Variants in MGMT observed in about 807,000 individuals in gnomAD.
MGMT encodes the protein methylated-DNA--protein-cysteine methyltransferase.
In MGMT, 14 loss-of-function variants were observed where a neutral mutation model predicts 15.9. The observed-to-expected ratio is 0.88, with a 90% CI of 0.58 to 1.37. The LOEUF (loss-of-function observed/expected upper bound fraction) is 1.37, where lower values mean the gene tolerates loss of function less well. Among genes scored for constraint, MGMT ranks in the 40% most tolerant of loss-of-function variants. The pLI, the probability that MGMT is intolerant of heterozygous loss-of-function variation, is 0.00. For missense variants in MGMT, 282 were observed against 268.1 expected (o/e 1.05, Z -0.36); for synonymous variants, 130 against 118.2 (o/e 1.10, Z -0.65).
At chr10:129,557,628 G>A (rs759842463) in intron 2 of MGMT, among the ~76,000 whole-genome samples, 3 of 152,018 alleles carry the variant, frequency 2.0e-5, no homozygotes, top group Non-Finnish European at 4.4e-5. Flanking sequence ...TTTTTATGTC[G>A]GTGTTTATAA....
At chr10:129,570,528 A>G (rs1053508643) in intron 2 of MGMT, among the ~76,000 whole-genome samples, 2 of 152,286 alleles carry the variant, frequency 1.3e-5, no homozygotes, top group African/African-American at 4.8e-5. Flanking sequence ...ATTGTAGTGA[A>G]CTTATCAAAA....
intron 2 of MGMT, among the ~76,000 whole-genome samples, chr10:129,657,705 A>ACG (rs1491129719): frequency 7.3e-6 from 1 of 137,700 alleles, no homozygotes; most frequent in Non-Finnish European, 1.5e-5. Context: ...ACACACACAC[A>ACG]CGCACACACA....
In MGMT at chr10:129,731,356, CTTTT is replaced by C. The variant is rs547636043; in HGVS notation, c.274+23334_274+23337del. Among the ~76,000 whole-genome samples, 138 of 96,962 alleles carry C rather than the reference CTTTT, an allele frequency of 1.4e-3. 1 individual carries two copies. Among genetic ancestry groups the C allele is most frequent in the African/African-American group, 4.2e-3 (100 of 23,924 alleles). 63.6% of individuals were successfully genotyped at this position (96,962 alleles called of 152,430 possible). A position where few individuals can be genotyped will look rare whatever the true frequency, so the allele number is the denominator to read the frequency against. On this transcript the variant is annotated intron_variant, in intron 3 of 4. Coordinates refer to ENST00000651593, the MANE Select transcript of MGMT (RefSeq NM_002412.5). ...GCCATATTGGAAATTAAACCTAAGA[CTTTT>C]TTTTTTTTTTTTTTTTTTTTGCGAC...
chr10:129,733,898 T>C (rs1848530847), intron 3 of MGMT, among the ~76,000 whole-genome samples: 1 of 152,166 alleles, frequency 6.6e-6, no homozygotes, highest in African/African-American at 2.4e-5. Flanking sequence ...CTGAGGACTC[T>C]GTTCTGTTCC....
chr10:129,686,852 G>A (rs568318791), intron 2 of MGMT, among the ~76,000 whole-genome samples: 1 of 152,328 alleles, frequency 6.6e-6, no homozygotes, highest in Non-Finnish European at 1.5e-5. Context: ...TGCTTGCCCT[G>A]GGCCTGCAGC....
chr10:129,511,924 C>G (rs1049923534), intron 1 of MGMT, among the ~76,000 whole-genome samples: 5 of 152,212 alleles, frequency 3.3e-5, no homozygotes, highest in Non-Finnish European at 5.9e-5. Context: ...GTGGTACCTT[C>G]TCCCCAAGGC....
chr10:129,536,152 G>A, intron 1 of MGMT, 89 bp from the exon 2 acceptor site: 3 of 1,393,162 alleles, frequency 2.2e-6, no homozygotes, highest in Non-Finnish European at 2.0e-6. Flanking sequence ...TATATTTTGT[G>A]TCTTAAATAA....
chr10:129,717,960 G>A (rs1031441165), intron 3 of MGMT: 8 of 152,198 alleles, frequency 5.3e-5, no homozygotes, highest in Non-Finnish European at 1.2e-4. Context: ...CTGCGGGGCT[G>A]GCCTTGGTGA....
chr10:129,678,196 G>A (rs1847807236), intron 2 of MGMT, among the ~76,000 whole-genome samples: 1 of 152,156 alleles, frequency 6.6e-6, no homozygotes, highest in Non-Finnish European at 1.5e-5. Context: ...GGACTTTGGG[G>A]CCCCTGTTTT....
chr10:129,540,358 T>G (rs1272521725), intron 2 of MGMT, among the ~76,000 whole-genome samples: 1 of 152,210 alleles, frequency 6.6e-6, no homozygotes, highest in Non-Finnish European at 1.5e-5. Flanking sequence ...TTCTGATTGT[T>G]ATGCTTTAAT....
At chr10:129,560,200 G>A (rs1353759543) in intron 2 of MGMT, among the ~76,000 whole-genome samples, 8 of 152,188 alleles carry the variant, frequency 5.3e-5, no homozygotes, top group Admixed American at 5.2e-4. Context: ...AGGGTCTGAT[G>A]TGTAAGTTCT....
rs374655939 is a variant in MGMT at position 129,467,954 on chromosome 10, C to T, written c.-13+658C>T. On this transcript the variant is annotated intron_variant, in intron 1 of 4. Transcript: ENST00000651593. ...GAAATCTCAGGGTGGTGTTTGCTCT[C>T]AGTTGCTTCAGCTGAGTAGCTGGCT... Among the ~76,000 whole-genome samples, 10 of 152,316 alleles carry T rather than the reference C, an allele frequency of 6.6e-5. 1 individual carries two copies. The highest frequency in any genetic ancestry group is 2.4e-4 in the African/African-American group (10 of 41,572).
At chr10:129,705,650 T>G (rs1848151940) in intron 2 of MGMT, among the ~76,000 whole-genome samples, 1 of 152,214 alleles carries the variant, frequency 6.6e-6, no homozygotes, top group Non-Finnish European at 1.5e-5. Flanking sequence ...GAGCTCTTTG[T>G]GTGAAGGTGT....
chr10:129,477,584 A>G (rs967241359), intron 1 of MGMT, among the ~76,000 whole-genome samples: 4 of 152,154 alleles, frequency 2.6e-5, no homozygotes, highest in Non-Finnish European at 5.9e-5. Context: ...TTAGAAGAGA[A>G]AGAGAGGATC....
At chr10:129,531,276 CTCATG>C (rs1455272558) in intron 1 of MGMT, among the ~76,000 whole-genome samples, 1 of 152,162 alleles carries the variant, frequency 6.6e-6, no homozygotes, top group East Asian at 1.9e-4. Flanking sequence ...GTCTGTTACC[CTCATG>C]GCTGCTTGTG....
chr10:129,733,072 C>T (rs1271815597), intron 3 of MGMT, among the ~76,000 whole-genome samples: 1 of 150,194 alleles, frequency 6.7e-6, no homozygotes. Flanking sequence ...GGTATATACC[C>T]AGTAATGGGA....
In MGMT at chr10:129,621,665, G is replaced by A. The variant is rs1010548092; in HGVS notation, c.125+85288G>A. 2.0e-5 allele frequency among the ~76,000 whole-genome samples: 3 copies of A among 152,294 alleles called. No individual in the cohort carries two copies. In the South Asian group the frequency reaches 6.2e-4, roughly 32 times the overall value. ...GGTGTTAAGAAGTGGTTGAATTTGG[G>A]ATCTCTTTGGAAGTATGATGCTCCA... is the stretch of plus-strand genomic sequence containing the variant. On this transcript the variant is annotated intron_variant, in intron 2 of 4. Transcript: ENST00000651593.
chr10:129,492,793 C>T (rs1477992916), intron 1 of MGMT, among the ~76,000 whole-genome samples: 1 of 152,176 alleles, frequency 6.6e-6, no homozygotes, highest in African/African-American at 2.4e-5. Context: ...TGTAATTTTT[C>T]TGACTTTTTC....
At chr10:129,486,593 G>A (rs1845411642) in intron 1 of MGMT, among the ~76,000 whole-genome samples, 2 of 152,142 alleles carry the variant, frequency 1.3e-5, no homozygotes, top group Non-Finnish European at 2.9e-5. Flanking sequence ...CAGGTGTTTG[G>A]TGAAATTGGT....
Sources: gnomAD v4.1 joint callset for allele counts (sites outside exome capture counted in the v4.1 genomes callset) on GRCh38, gnomAD v4.1.1 for gene constraint, MANE v1.5 for transcripts, NCBI Gene and HGNC (gene_info 2026-07-23, HGNC 2026-07-21) for gene names.